The following UCP3 variants were observed in gnomAD, a reference collection of about 807,000 sequenced individuals.
The protein encoded by UCP3 is putative mitochondrial transporter UCP3.
A neutral mutation model predicts 28.1 loss-of-function variants in UCP3; 24 were observed. The ratio of observed to expected loss-of-function variants is 0.85; its 90% CI spans 0.62 to 1.20. UCP3 has a LOEUF of 1.20. UCP3 is among the 50% of genes most tolerant of loss of function. The pLI is 0.00. For missense variants in UCP3, 397 were observed against 422.2 expected (o/e 0.94, Z 0.52); for synonymous variants, 184 against 171.2 (o/e 1.07, Z -0.59).
chr11:74,001,605 T>C, intron 6 of UCP3, 79 bp from the exon 7 acceptor site: 2 of 1,248,760 alleles, frequency 1.6e-6, no homozygotes, highest in Non-Finnish European at 2.3e-6. Flanking sequence ...CGGGACACAG[T>C]GGTAGTGCCA....
At chr11:74,005,247 G>A (rs372684167) in intron 4 of UCP3, among the ~76,000 whole-genome samples, 7 of 152,208 alleles carry the variant, frequency 4.6e-5, no homozygotes, top group Admixed American at 1.3e-4. Context: ...ATCTCCCTGC[G>A]CCCACTCCTC....
chr11:74,006,857 T>C (rs1437040119), intron 2 of UCP3, 60 bp downstream of exon 2: 4 of 1,612,660 alleles, frequency 2.5e-6, no homozygotes, highest in African/African-American at 2.7e-5. Flanking sequence ...ATGGGGGATA[T>C]GGGAGAGAAC....
At chr11:74,008,929 G>A (rs1618727) in intron 1 of UCP3, 49 bp downstream of exon 1, 11,886 of 152,530 alleles carry the variant, frequency 0.078, 1,452 homozygotes, top group African/African-American at 0.26. Flanking sequence ...AGAACAAGGA[G>A]AAGGGAGAGG....
intron 6 of UCP3, chr11:74,001,783 T>G: frequency 2.2e-6 from 1 of 448,612 alleles, no homozygotes; most frequent in African/African-American, 2.0e-5. Context: ...TTCTCACAGT[T>G]CTATAAGGCA....
Position 74,003,928 on chromosome 11 carries a change from C to T in UCP3, c.723G>A (p.Val241=). 6.2e-7 allele frequency: 1 copy of T among 1,614,144 alleles called. No homozygotes were observed. The highest frequency in any genetic ancestry group is 8.5e-7 in the Non-Finnish European group (1 of 1,180,034). ...ATVVASPVDV[V]KTRYMNSPPG... is the part of the protein sequence containing the mutation. Reference sequence around the variant, plus strand: ...GAGGTGAGTTCATATACCGGGTCTTCACCACGTCCACCGGGGAGGCCACCA... The same window carrying T: ...GAGGTGAGTTCATATACCGGGTCTTTACCACGTCCACCGGGGAGGCCACCA... The change falls in exon 6 of 7, where the codon GTG becomes GTA. Residue 241 remains valine (V), a synonymous_variant. Coordinates refer to ENST00000314032, the MANE Select transcript of UCP3 (RefSeq NM_003356.4).
chr11:74,005,682 G>A (rs1951658382), intron 4 of UCP3, 48 bp downstream of exon 4: 1 of 1,603,298 alleles, frequency 6.2e-7, no homozygotes. Context: ...AGCCTGAGGG[G>A]AGGGAAAGCT....
At chr11:74,007,247 A>G (rs1951674502) in intron 1 of UCP3, 110 bp from the exon 2 acceptor site, 4 of 638,304 alleles carry the variant, frequency 6.3e-6, no homozygotes, top group Non-Finnish European at 1.1e-5. Context: ...GGGTGGTGCC[A>G]TACTTAAGCT....
Position 74,000,671 on chromosome 11 carries a change from CCAGCTTCT to C in UCP3, c.*733_*740del, listed in dbSNP as rs1951615586. ...TTGCTTTTATAAAGTGCGTTCATGC[CCAGCTTCT>C]CACTTGCATGTCATAGCACCCCTGG... On this transcript the variant is annotated 3_prime_UTR_variant, in exon 7 of 7. Transcript: ENST00000314032. 1 of 152,158 alleles carries C rather than the reference CCAGCTTCT, an allele frequency of 6.6e-6. No homozygotes were observed. Among genetic ancestry groups the C allele is most frequent in the Non-Finnish European group, 1.5e-5 (1 of 68,054 alleles). 9.4% of individuals were successfully genotyped at this position (152,158 alleles called of 1,614,324 possible). A position where few individuals can be genotyped will look rare whatever the true frequency, so the allele number is the denominator to read the frequency against.
chr11:74,001,585 T>C, intron 6 of UCP3, 59 bp from the exon 7 acceptor site: 3 of 1,477,428 alleles, frequency 2.0e-6, no homozygotes, highest in Non-Finnish European at 1.9e-6. Flanking sequence ...AACAGATGCG[T>C]GTGCTCTCCC....
At chr11:74,007,277 A>G in intron 1 of UCP3, 140 bp from the exon 2 acceptor site, 1 of 558,146 alleles carries the variant, frequency 1.8e-6, no homozygotes, top group South Asian at 2.0e-5. Context: ...TGGCCTATAA[A>G]AACAGGTCAC....
intron 4 of UCP3, 111 bp from the exon 5 acceptor site, chr11:74,004,696 TA>T: frequency 5.2e-6 from 5 of 956,396 alleles, no homozygotes; most frequent in Non-Finnish European, 8.0e-6. Flanking sequence ...TTTGGGGCCA[TA>T]GTGCCCCATT....
In UCP3 at chr11:74,006,975, G is replaced by A; in HGVS notation, c.68C>T (p.Ala23Val). 1 of 1,614,192 alleles carries A rather than the reference G, an allele frequency of 6.2e-7. No homozygotes were observed. The highest frequency in any genetic ancestry group is 1.1e-5 in the South Asian group (1 of 91,088). Residue 23 changes from alanine (A) to valine (V), a missense_variant, in exon 2 of 7, where the codon GCA (alanine) becomes GTA (valine). Physicochemically the swap from Ala to Val is moderately conservative, Grantham distance 64. Transcript: ENST00000314032. ...GGTAACGAGGTCAGCAAAACAGGCT[G>A]CTGTGCCTGCCCCCAGGAACTTCAC... is the stretch of plus-strand genomic sequence containing the variant. ...MAVKFLGAGT[A>V]ACFADLVTFP...
At chr11:74,006,574 A>T (rs566674900) in intron 2 of UCP3, among the ~76,000 whole-genome samples, 195 bp from the exon 3 acceptor site, 1 of 152,346 alleles carries the variant, frequency 6.6e-6, no homozygotes, top group East Asian at 1.9e-4. Context: ...TTGGTGTTTG[A>T]TCCTCAGAGT....
At chr11:74,005,680 G>T in intron 4 of UCP3, 50 bp downstream of exon 4, 1 of 1,605,832 alleles carries the variant, frequency 6.2e-7, no homozygotes, top group South Asian at 1.1e-5. Flanking sequence ...CCAGCCTGAG[G>T]GGAGGGAAAG....
chr11:74,001,965 C>A (rs73552716), intron 6 of UCP3: 185 of 253,582 alleles, frequency 7.3e-4, no homozygotes, highest in African/African-American at 4.0e-3. Context: ...TGGCCCCCTG[C>A]CAGGACATGG....
Position 74,003,796 on chromosome 11 carries a change from G to A in UCP3, c.824+31C>T, listed in dbSNP as rs754174612. The A allele has an allele frequency of 5.8e-6, 9 of 1,548,584 alleles. No individual in the cohort carries two copies. The South Asian group carries it at 1.1e-4, about 19-fold the overall frequency. ...AAAGAAAGAAGCCCCTGTTCTCTGG[G>A]AGGGAGTGCTGGAGGCAGGAGGAGG... is the stretch of plus-strand genomic sequence containing the variant. On this transcript the variant is annotated intron_variant, in intron 6 of 6. Transcript: ENST00000314032.
intron 4 of UCP3, 79 bp from the exon 5 acceptor site, chr11:74,004,664 C>T (rs1333727159): frequency 2.1e-6 from 3 of 1,407,214 alleles, no homozygotes; most frequent in African/African-American, 1.4e-5. Flanking sequence ...GATGCCCTGG[C>T]TGCAAGGCCA....
chr11:74,000,298 C>T lies in UCP3; in HGVS notation c.*1114G>A, dbSNP rs1360240628. ...GAAGTGGCTGTTCTTACTCCCACAC[C>T]TAAGGTGTGAATTCTTTTATTGAGT... On this transcript the variant is annotated 3_prime_UTR_variant, in exon 7 of 7. Coordinates refer to ENST00000314032, the MANE Select transcript of UCP3 (RefSeq NM_003356.4). The T allele has an allele frequency of 6.5e-6, 1 of 152,734 alleles. No individual in the cohort carries two copies. The highest frequency in any genetic ancestry group is 1.5e-5 in the Non-Finnish European group (1 of 68,028). The allele number at this position is 152,734 out of a possible 1,614,324, so 9.5% of individuals were successfully genotyped here.
chr11:74,001,353 T>C lies in UCP3; in HGVS notation c.*59A>G. ...GTCCATGTGTGCGTGGATGCACCGT[T>C]TTCTTCCATTCTTAACTGGTTTCGG... On this transcript the variant is annotated 3_prime_UTR_variant, in exon 7 of 7. Transcript: ENST00000314032. 1.3e-6 allele frequency: 2 copies of C among 1,541,024 alleles called. No homozygotes were observed. The highest frequency in any genetic ancestry group is 9.0e-7 in the Non-Finnish European group (1 of 1,114,282).
Sources: allele counts gnomAD v4.1 joint callset (sites outside exome capture counted in the v4.1 genomes callset), GRCh38; gene constraint gnomAD v4.1.1; transcripts MANE v1.5; gene names NCBI Gene and HGNC (gene_info 2026-07-23, HGNC 2026-07-21).